The following PLEKHB1 variants were observed in gnomAD, a reference collection of about 807,000 sequenced individuals.
PLEKHB1 encodes pleckstrin homology domain containing B1.
In PLEKHB1, 29 loss-of-function variants were observed where a neutral mutation model predicts 36.2. That is an observed-to-expected ratio of 0.80 (90% CI 0.60 to 1.09). PLEKHB1 has a LOEUF of 1.09. Ranked by LOEUF, PLEKHB1 falls within the 50% of genes least tolerant of loss-of-function variation. The pLI is 0.00. For synonymous variants in PLEKHB1, 138 were observed against 140.0 expected (o/e 0.99, Z 0.10); for missense variants, 330 against 348.2 (o/e 0.95, Z 0.42).
rs1225698477 is a variant in PLEKHB1, at chr11:73,655,778, T to C, written c.391-25T>C. On this transcript the variant is annotated intron_variant, in intron 5 of 7. Coordinates refer to ENST00000354190, the MANE Select transcript of PLEKHB1 (RefSeq NM_021200.3). ...TGACACCCCCTCCCTCCCTCCTCCTTCTTGGGTTTCTGTGGCTTGAGCAGG... is the reference window on the plus strand; with the variant it reads ...TGACACCCCCTCCCTCCCTCCTCCTCCTTGGGTTTCTGTGGCTTGAGCAGG... 4.4e-6 allele frequency: 7 copies of C among 1,608,632 alleles called. No individual in the cohort carries two copies. In the African/African-American group the frequency reaches 5.4e-5, roughly 12 times the overall value.
At position 73,649,122 on chromosome 11, in the gene PLEKHB1, G is replaced by T. The variant is rs560284419; in HGVS notation, c.94+35G>T. The T allele has an allele frequency of 1.2e-4, 184 of 1,566,602 alleles. No homozygotes were observed. The African/African-American group carries it at 2.2e-3, about 18-fold the overall frequency. On this transcript the variant is annotated intron_variant, in intron 2 of 7. Transcript: ENST00000354190. ...CCTGGGCCCCTGGTCCTGGGGCAGG[G>T]TGAAGGAAGTGGCTTACTGGGCTTG...
In PLEKHB1 at chr11:73,650,651, C is replaced by T. The variant is rs745389740; in HGVS notation, c.193C>T (p.Arg65Cys). 6.8e-6 allele frequency: 11 copies of T among 1,611,590 alleles called. No homozygotes were observed. Among genetic ancestry groups the T allele is most frequent in the Admixed American group, 1.7e-5 (1 of 59,710 alleles). The change falls in exon 3 of 8, where the codon CGT becomes TGT. Residue 65 changes from arginine to cysteine, a missense_variant. Coordinates refer to ENST00000354190, the MANE Select transcript of PLEKHB1 (RefSeq NM_021200.3). ...HDETAQDEEDRVLIHFNVRDI... is the reference protein window; with the variant it reads ...HDETAQDEEDCVLIHFNVRDI... ...TGAGACAGCGCAGGACGAGGAGGACCGTGTGCTCATCCACTTCAATGTCCG... is the reference window on the plus strand; with the variant it reads ...TGAGACAGCGCAGGACGAGGAGGACTGTGTGCTCATCCACTTCAATGTCCG...
intron 4 of PLEKHB1, 51 bp downstream of exon 4, chr11:73,651,941 T>C: frequency 3.3e-6 from 5 of 1,524,016 alleles, no homozygotes; most frequent in East Asian, 2.3e-5. Context: ...AAAGTTACCA[T>C]GTGCCCCCTT....
In PLEKHB1 at chr11:73,649,677, C is replaced by T. The variant is rs778483131; in HGVS notation, c.94+590C>T. Among the ~76,000 whole-genome samples the T allele has an allele frequency of 3.2e-4, 49 of 152,334 alleles. No homozygotes were observed. The Middle Eastern group carries it at 0.01, about 32-fold the overall frequency. ...TTGCAAAATGTCAGAAGCTCGGTCT[C>T]GGGCTTCTAGACCCACCTCTGACCA... is the stretch of plus-strand genomic sequence containing the variant. On this transcript the variant is annotated intron_variant, in intron 2 of 7. Transcript: ENST00000354190.
intron 1 of PLEKHB1, chr11:73,648,027 T>A (rs1565326854): frequency 2.0e-6 from 2 of 976,466 alleles, no homozygotes; most frequent in Admixed American, 6.2e-5. Context: ...AACCCTCAGT[T>A]TGTCCATCTG....
At chr11:73,658,671 C>T (rs1010270897) in intron 6 of PLEKHB1, among the ~76,000 whole-genome samples, 1 of 152,130 alleles carries the variant, frequency 6.6e-6, no homozygotes, top group African/African-American at 2.4e-5. Flanking sequence ...GGCTGGAGTG[C>T]AGTGGTGCAA....
In PLEKHB1 at chr11:73,649,097, C is replaced by T. The variant is rs1303374917; in HGVS notation, c.94+10C>T. On this transcript the variant is annotated intron_variant, in intron 2 of 7. Transcript: ENST00000354190. ...TGGCTGTGGAGACAGAGTGAGTGAT[C>T]CTGGGCCCCTGGTCCTGGGGCAGGG... 6.3e-7 allele frequency: 1 copy of T among 1,586,892 alleles called. No individual in the cohort carries two copies. Among genetic ancestry groups the T allele is most frequent in the Non-Finnish European group, 8.6e-7 (1 of 1,166,346 alleles).
At position 73,661,399 on chromosome 11, in the gene PLEKHB1, G is replaced by A. The variant is rs1045354030; in HGVS notation, c.596-67G>A. ...ACTGGGTTGGGCTGGAGTGATGCAG[G>A]AAGGGTACGAAGATCACTCTACTCC... On this transcript the variant is annotated intron_variant, in intron 7 of 7. Transcript: ENST00000354190. The surrounding 1 kb of genome is among the most constrained non-coding windows in gnomAD (Gnocchi z 4.6). The A allele has an allele frequency of 4.1e-5, 65 of 1,571,982 alleles. 1 individual carries two copies. The South Asian group carries it at 5.8e-4, about 14-fold the overall frequency.
intron 5 of PLEKHB1, 95 bp from the exon 6 acceptor site, chr11:73,655,708 G>A (rs1039944293): frequency 3.5e-5 from 37 of 1,058,346 alleles, no homozygotes; most frequent in Non-Finnish European, 4.8e-5. Flanking sequence ...GGCTCTGGTA[G>A]GGTCTGGAAA....
At chr11:73,646,730 G>GT in intron 1 of PLEKHB1, 104 bp downstream of exon 1, 1 of 1,265,056 alleles carries the variant, frequency 7.9e-7, no homozygotes, top group Non-Finnish European at 1.1e-6. Context: ...GACATCCTCT[G>GT]GTCTCTGAAT....
At chr11:73,652,070 C>T in intron 4 of PLEKHB1, 180 bp downstream of exon 4, 2 of 606,882 alleles carry the variant, frequency 3.3e-6, no homozygotes, top group East Asian at 2.8e-5. Flanking sequence ...TGGCATGGCA[C>T]ACAGTGAACT....
Position 73,655,922 on chromosome 11 carries a change from G to A in PLEKHB1, c.495+15G>A, listed in dbSNP as rs368551191. The A allele has an allele frequency of 2.1e-5, 33 of 1,609,726 alleles. No homozygotes were observed. Among genetic ancestry groups the A allele is most frequent in the Non-Finnish European group, 2.3e-5 (27 of 1,176,676 alleles). On this transcript the variant is annotated intron_variant, in intron 6 of 7. Coordinates refer to ENST00000354190, the MANE Select transcript of PLEKHB1 (RefSeq NM_021200.3). ...GGCGGATCTGGGTAAGTGCTGGCTC[G>A]GCCCTCCCTGCCTCCATACTGGCCA...
At chr11:73,656,120 C>A (rs1018366208) in intron 6 of PLEKHB1, among the ~76,000 whole-genome samples, 3 of 152,212 alleles carry the variant, frequency 2.0e-5, no homozygotes, top group Admixed American at 6.5e-5. Context: ...CCTCTGCTGA[C>A]AAGACCTCAG....
Position 73,661,357 on chromosome 11 carries a change from T to G in PLEKHB1, c.596-109T>G, listed in dbSNP as rs978290465. On this transcript the variant is annotated intron_variant, in intron 7 of 7. Transcript: ENST00000354190. The surrounding 1 kb of genome is among the most constrained non-coding windows in gnomAD (Gnocchi z 4.6). ...GTTCTTTGACTGGGGAGCAGGAGAG[T>G]GGGTTCGGCGCCTTACACTGGGTTG... is the stretch of plus-strand genomic sequence containing the variant. 2.4e-6 allele frequency: 3 copies of G among 1,239,680 alleles called. No individual in the cohort carries two copies. The highest frequency in any genetic ancestry group is 3.4e-6 in the Non-Finnish European group (3 of 873,318). The allele number at this position is 1,239,680 out of a possible 1,614,324, so 76.8% of individuals were successfully genotyped here.
intron 3 of PLEKHB1, among the ~76,000 whole-genome samples, chr11:73,651,123 T>G (rs943313723): frequency 4.0e-5 from 6 of 151,618 alleles, no homozygotes; most frequent in African/African-American, 1.5e-4. Flanking sequence ...TTGAGAGGCA[T>G]GTAGATTACT....
chr11:73,660,643 T>C lies in PLEKHB1; in HGVS notation c.496-110T>C. 3 of 1,033,858 alleles carry C rather than the reference T, an allele frequency of 2.9e-6. No individual in the cohort carries two copies. The South Asian group carries it at 4.6e-5, about 16-fold the overall frequency. The allele number at this position is 1,033,858 out of a possible 1,614,324, so 64.0% of individuals were successfully genotyped here. On this transcript the variant is annotated intron_variant, in intron 6 of 7. Coordinates refer to ENST00000354190, the MANE Select transcript of PLEKHB1 (RefSeq NM_021200.3). ...AGTGGCTGGAGGCCCATTTCTAAAC[T>C]TGGGGAGGTGGCTCCATGGATCCCA...
intron 2 of PLEKHB1, 118 bp from the exon 3 acceptor site, chr11:73,650,435 A>T (rs370101841): frequency 5.2e-6 from 6 of 1,163,474 alleles, no homozygotes; most frequent in African/African-American, 1.6e-5. Context: ...GGTAGACAAG[A>T]AAAAGGTGGT....
chr11:73,648,942 C>A, intron 1 of PLEKHB1, 70 bp from the exon 2 acceptor site: 1 of 1,535,396 alleles, frequency 6.5e-7, no homozygotes, highest in African/African-American at 1.4e-5. Context: ...TCCCCAGGGA[C>A]GGCAGGGCTG....
At chr11:73,655,284 T>A (rs1323207078) in intron 5 of PLEKHB1, among the ~76,000 whole-genome samples, 1 of 152,208 alleles carries the variant, frequency 6.6e-6, no homozygotes, top group African/African-American at 2.4e-5. Context: ...TGCCTGTGTC[T>A]ACCTATCTTT....
Sources: gnomAD v4.1 joint callset for allele counts (sites outside exome capture counted in the v4.1 genomes callset) on GRCh38, gnomAD v4.1.1 for gene constraint, Gnocchi (gnomAD v3.1) non-coding constraint, MANE v1.5 for transcripts, NCBI Gene and HGNC (gene_info 2026-07-23, HGNC 2026-07-21) for gene names.